The following MUC5AC variants were observed in gnomAD, a reference collection of about 807,000 sequenced individuals.
The protein encoded by MUC5AC is mucin 5AC, oligomeric mucus/gel-forming.
MUC5AC carries 158 observed loss-of-function variants against 169.7 expected under a neutral mutation model. The observed-to-expected ratio is 0.93, with a 90% CI of 0.82 to 1.06. The LOEUF is 1.06. Among genes scored for constraint, MUC5AC ranks in the 50% least tolerant of loss-of-function variants. The pLI is 0.00. For missense variants in MUC5AC, 4,359 were observed against 3,089.9 expected (o/e 1.41, Z -9.74); for synonymous variants, 1,975 against 1,237.0 (o/e 1.60, Z -12.52).
rs1303481049 is a variant in MUC5AC, at chr11:1,175,127, G to A, written c.2338G>A (p.Gly780Arg). 8 of 397,372 alleles carry A rather than the reference G, an allele frequency of 2.0e-5. No homozygotes were observed. The highest frequency in any genetic ancestry group is 1.0e-4 in the African/African-American group (5 of 48,274). 24.6% of individuals were successfully genotyped at this position (397,372 alleles called of 1,614,324 possible). The stretch of plus-strand genomic sequence containing the variant: ...CAATGGGGAGTCGGTGCACGACAGC[G>A]GGGCTATCTGGTAAGAGCTCCCGCT... ...IPNGESVHDSGAICTCTHGKL... is the reference protein window; with the variant it reads ...IPNGESVHDSRAICTCTHGKL... Residue 780 changes from glycine (G) to arginine (R), a missense_variant, in exon 18 of 49, where the codon GGG becomes AGG. Transcript: ENST00000621226.
At position 1,196,775 on chromosome 11, in the gene MUC5AC, T is replaced by A. The variant is rs1469795216; in HGVS notation, c.15829+55T>A. 5.5e-6 allele frequency: 4 copies of A among 730,590 alleles called. No individual in the cohort carries two copies. The African/African-American group carries it at 6.9e-5, about 13-fold the overall frequency. The allele number at this position is 730,590 out of a possible 1,614,324, so 45.3% of individuals were successfully genotyped here. ...GTGGCAGGACTGGGCCTGTGACTGT[T>A]GGCCAGGTCCTGGGGTCTACCCTGG... On this transcript the variant is annotated intron_variant, in intron 39 of 48. Coordinates refer to ENST00000621226, the MANE Select transcript of MUC5AC (RefSeq NM_001304359.2).
chr11:1,166,911 C>A (rs1424653175), intron 11 of MUC5AC, among the ~76,000 whole-genome samples: 175 of 4,686 alleles, frequency 0.037, 3 homozygotes, highest in East Asian at 0.16. Context: ...AGTCTCTGCA[C>A]GATGAGACCC....
chr11:1,174,800 G>A (rs1268198903), intron 17 of MUC5AC, 82 bp from the exon 18 acceptor site: 13 of 457,144 alleles, frequency 2.8e-5, no homozygotes, highest in Admixed American at 8.2e-5. Context: ...GAGGGTAGCC[G>A]AGAGGGCTGG....
Position 1,194,523 on chromosome 11 carries a change from C to T in MUC5AC, c.15043C>T (p.Arg5015Trp), listed in dbSNP as rs954182820. The change falls in exon 35 of 49, where the codon CGG becomes TGG. Residue 5015 changes from arginine (R) to tryptophan (W), a missense_variant. Coordinates refer to ENST00000621226, the MANE Select transcript of MUC5AC (RefSeq NM_001304359.2). ...FNNKVVSPGF[R>W]KNGIVVSRIG... ...CAACAAGGTGGTCAGCCCCGGCTTC[C>T]GGAAAAACGGCATCGTGGTCTCGCG... The T allele has an allele frequency of 1.3e-5, 10 of 762,734 alleles. No homozygotes were observed. The highest frequency in any genetic ancestry group is 1.0e-4 in the African/African-American group (6 of 59,104). 47.2% of individuals were successfully genotyped at this position (762,734 alleles called of 1,614,324 possible). A position where few individuals can be genotyped will look rare whatever the true frequency, so the allele number is the denominator to read the frequency against.
At chr11:1,180,325 G>T (rs1303677745) in intron 27 of MUC5AC, 29 bp from the exon 28 acceptor site, 2 of 398,638 alleles carry the variant, frequency 5.0e-6, no homozygotes, top group Non-Finnish European at 8.8e-6. Flanking sequence ...ACTCGGTCTG[G>T]TTGTGACTCT....
At chr11:1,196,931 G>A in intron 40 of MUC5AC, 23 bp downstream of exon 40, 1 of 759,694 alleles carries the variant, frequency 1.3e-6, no homozygotes. Flanking sequence ...CATGGCCCAA[G>A]AGGGCACTGG....
In MUC5AC at chr11:1,191,870, C is replaced by T. The variant is rs28443190; in HGVS notation, c.13725C>T (p.Thr4575=). ...CTACTCCCAGCCCTGTTCCCACCAC[C>T]AGCACAACCTCTGCTCCTACAACCA... ...PGTTPSPVPT[T]STTSAPTTST... is the part of the protein sequence containing the mutation. The change falls in exon 31 of 49, where the codon ACC becomes ACT. Residue 4575 remains threonine, a synonymous_variant. Transcript: ENST00000621226. 2.1e-5 allele frequency: 16 copies of T among 762,174 alleles called. No homozygotes were observed. Among genetic ancestry groups the T allele is most frequent in the Non-Finnish European group, 3.6e-5 (15 of 417,322 alleles). 47.2% of individuals were successfully genotyped at this position (762,174 alleles called of 1,614,324 possible). A position where few individuals can be genotyped will look rare whatever the true frequency, so the allele number is the denominator to read the frequency against.
chr11:1,177,099 C>A, intron 22 of MUC5AC, 33 bp downstream of exon 22: 2 of 398,630 alleles, frequency 5.0e-6, no homozygotes, highest in East Asian at 7.1e-5. Flanking sequence ...CTCACGGCGG[C>A]CCCCGTGGCC....
chr11:1,162,810 C>T (rs919094472), intron 5 of MUC5AC, 145 bp from the exon 6 acceptor site: 2 of 981,340 alleles, frequency 2.0e-6, no homozygotes, highest in South Asian at 1.4e-5. Context: ...AATGGTGTCC[C>T]GGGGTCTGTG....
At chr11:1,197,246 G>T (rs1379507319) in intron 40 of MUC5AC, among the ~76,000 whole-genome samples, 2 of 152,172 alleles carry the variant, frequency 1.3e-5, no homozygotes, top group African/African-American at 2.4e-5. Context: ...GTGTGAGGTG[G>T]GGGGCGCAGG....
Position 1,187,044 on chromosome 11 carries a change from G to T in MUC5AC, c.8899G>T (p.Ala2967Ser), listed in dbSNP as rs1306380995. The T allele has an allele frequency of 9.4e-6, 7 of 747,498 alleles. No individual in the cohort carries two copies. Among genetic ancestry groups the T allele is most frequent in the African/African-American group, 1.7e-5 (1 of 57,480 alleles). The allele number at this position is 747,498 out of a possible 1,614,324, so 46.3% of individuals were successfully genotyped here. ...ISVPTTSTTS[A>S]STTSTTSGPG... ...TGTTCCTACCACCAGCACAACTTCT[G>T]CTTCTACAACCAGCACAACCTCTGG... The change falls in exon 31 of 49, where the codon GCT becomes TCT. Residue 2967 changes from alanine (A) to serine (S), a missense_variant. Transcript: ENST00000621226.
chr11:1,187,783 C>T lies in MUC5AC; in HGVS notation c.9638C>T (p.Thr3213Ile). 1 of 765,152 alleles carries T rather than the reference C, an allele frequency of 1.3e-6. No homozygotes were observed. 47.4% of individuals were successfully genotyped at this position (765,152 alleles called of 1,614,324 possible). ...AGCCATGTTTCCATATCCAAGACAA[C>T]CCACTCCCAACCAGTCACCAGAGAC... ...STSHVSISKT[T>I]HSQPVTRDCH... The change falls in exon 31 of 49, where the codon ACC becomes ATC. Residue 3213 changes from threonine to isoleucine, a missense_variant. Physicochemically the swap from Thr to Ile is moderately conservative, Grantham distance 89. Coordinates refer to ENST00000621226, the MANE Select transcript of MUC5AC (RefSeq NM_001304359.2).
rs996372487 is a variant in MUC5AC, at chr11:1,172,511, A to C, written c.1953A>C (p.Gly651=). The C allele has an allele frequency of 0.45, 177,608 of 398,442 alleles. 42,688 individuals carry two copies. The highest frequency in any genetic ancestry group is 0.76 in the African/African-American group (36,922 of 48,700). The allele number at this position is 398,442 out of a possible 1,614,324, so 24.7% of individuals were successfully genotyped here. Residue 651 remains glycine (G), a synonymous_variant, in exon 16 of 49, where the codon GGA becomes GGC. Coordinates refer to ENST00000621226, the MANE Select transcript of MUC5AC (RefSeq NM_001304359.2). ...FGRCHAAVKP[G]TYYSNCMFDT... ...GGTGCCATGCTGCCGTGAAGCCGGG[A>C]ACCTACTACTCGGTAACATCTGCCG...
chr11:1,179,124 G>T lies in MUC5AC; in HGVS notation c.3360G>T (p.Val1120=). The change falls in exon 26 of 49, where the codon GTG becomes GTT. Residue 1120 remains valine (V), a synonymous_variant. Transcript: ENST00000621226. ...CGGCCAGGTACTACGAGGCCTGCGT[G>T]AACGACGCGTGCGCCTGCGACTCCG... ...VEPARYYEAC[V]NDACACDSGG... The T allele has an allele frequency of 1.6e-6, 1 of 634,136 alleles. No homozygotes were observed. Among genetic ancestry groups the T allele is most frequent in the Admixed American group, 2.4e-5 (1 of 41,676 alleles). 39.3% of individuals were successfully genotyped at this position (634,136 alleles called of 1,614,324 possible).
Position 1,161,539 on chromosome 11 carries a change from G to T in MUC5AC, c.164G>T (p.Arg55Leu), listed in dbSNP as rs76577728. Residue 55 changes from arginine to leucine, a missense_variant, in exon 3 of 49, where the codon CGT (arginine) becomes CTT (leucine). Arg to Leu is a moderately radical substitution (Grantham distance 102). Coordinates refer to ENST00000621226, the MANE Select transcript of MUC5AC (RefSeq NM_001304359.2). ...CCTGTCTCCGCAGGGGTCCCGCTCCGTGGGGCGACTGTCTTCCCATCTCTG... is the reference window on the plus strand; with the variant it reads ...CCTGTCTCCGCAGGGGTCCCGCTCCTTGGGGCGACTGTCTTCCCATCTCTG... ...IARGPSGVPL[R>L]GATVFPSLRT... 2 of 1,607,784 alleles carry T rather than the reference G, an allele frequency of 1.2e-6. No homozygotes were observed. Among genetic ancestry groups the T allele is most frequent in the Non-Finnish European group, 1.7e-6 (2 of 1,176,994 alleles).
intron 3 of MUC5AC, 28 bp from the exon 4 acceptor site, chr11:1,161,879 C>G: frequency 6.2e-7 from 1 of 1,603,888 alleles, no homozygotes; most frequent in African/African-American, 1.3e-5. Context: ...GGGCGACGCC[C>G]CCAAACACCA....
chr11:1,166,505 C>A (rs1860339281), intron 11 of MUC5AC, among the ~76,000 whole-genome samples: 1 of 138,504 alleles, frequency 7.2e-6, no homozygotes, highest in African/African-American at 2.8e-5. Context: ...TGAGACCCTG[C>A]ACCCAACACA....
In MUC5AC at chr11:1,158,007, T is replaced by G. The variant is rs748509167; in HGVS notation, c.8T>G (p.Val3Gly). The G allele has an allele frequency of 6.9e-6, 11 of 1,600,400 alleles. No homozygotes were observed. Among genetic ancestry groups the G allele is most frequent in the Non-Finnish European group, 9.4e-6 (11 of 1,174,784 alleles). MS[V>G]GRRKLALLWA... ...TTCCCCGCCGTCCACACAATGAGTG[T>G]TGGCCGGAGGAAGCTGGCCCTGCTC... is the stretch of plus-strand genomic sequence containing the variant. The change falls in exon 1 of 49, where the codon GTT (valine) becomes GGT (glycine). Residue 3 changes from valine to glycine, a missense_variant. By Grantham distance (109) the Val-to-Gly change is moderately radical (BLOSUM62 -3). Coordinates refer to ENST00000621226, the MANE Select transcript of MUC5AC (RefSeq NM_001304359.2).
chr11:1,165,550 GCCT>G lies in MUC5AC; in HGVS notation c.1248-68_1248-66del. 4 of 1,598,066 alleles carry G rather than the reference GCCT, an allele frequency of 2.5e-6. No homozygotes were observed. The East Asian group carries it at 9.0e-5, about 36-fold the overall frequency. ...GCAGGCCTGGGGTGAGACCCGGTCA[GCCT>G]CCTGACGCGGAGGCTGGAGGCTGGT... is the stretch of plus-strand genomic sequence containing the variant. On this transcript the variant is annotated intron_variant, in intron 10 of 48. Transcript: ENST00000621226.
Sources: gnomAD v4.1 joint callset for allele counts (sites outside exome capture counted in the v4.1 genomes callset) on GRCh38, gnomAD v4.1.1 for gene constraint, MANE v1.5 for transcripts, NCBI Gene and HGNC (gene_info 2026-07-23, HGNC 2026-07-21) for gene names.